MSI2: variants seen among roughly 807,000 people sequenced by gnomAD.
MSI2 encodes the protein RNA-binding protein Musashi homolog 2.
A neutral mutation model predicts 45.6 loss-of-function variants in MSI2; 17 were observed. The ratio of observed to expected loss-of-function variants is 0.37; its 90% confidence interval spans 0.26 to 0.56. MSI2 has a LOEUF of 0.56. Among genes scored for constraint, MSI2 ranks in the 20% least tolerant of loss-of-function variants. The pLI is 0.77. For synonymous variants in MSI2, 156 were observed against 158.2 expected (o/e 0.99, Z 0.11); for missense variants, 293 against 444.2 (o/e 0.66, Z 3.06).
intron 6 of MSI2, among the ~76,000 whole-genome samples, chr17:57,451,327 C>A (rs1477533073): frequency 2.0e-5 from 3 of 152,126 alleles, no homozygotes; most frequent in Non-Finnish European, 4.4e-5. Context: ...CTCGGAGAAG[C>A]CACCCCCTCC....
intron 6 of MSI2, among the ~76,000 whole-genome samples, chr17:57,437,728 C>T (rs2084715898): frequency 6.6e-6 from 1 of 152,182 alleles, no homozygotes; most frequent in Non-Finnish European, 1.5e-5. Context: ...GTATTCTATG[C>T]CCTGCATTCT....
chr17:57,261,968 C>G, intron 4 of MSI2, 183 bp from the exon 5 acceptor site: 1 of 603,684 alleles, frequency 1.7e-6, no homozygotes, highest in East Asian at 2.8e-5. Context: ...TGTTAGTTAC[C>G]TGATCTGTTG....
rs142528721 is a variant in MSI2, at chr17:57,424,839, G to C, written c.405+23368G>C. On this transcript the variant is annotated intron_variant, in intron 6 of 13. Transcript: ENST00000284073. ...AGCCAGTGTCATCCCTTTGCTTGCA[G>C]ATGAGGTGGCTTAGAACCAAGAGGG... Among the ~76,000 whole-genome samples the C allele has an allele frequency of 5.8e-3, 876 of 152,292 alleles. 4 individuals carry two copies. The highest frequency in any genetic ancestry group is 8.3e-3 in the South Asian group (40 of 4,812).
At chr17:57,560,350 C>A (rs117611360) in intron 7 of MSI2, among the ~76,000 whole-genome samples, 2,360 of 152,240 alleles carry the variant, frequency 0.016, 25 homozygotes, top group Admixed American at 0.026. Flanking sequence ...GGGGGACTTG[C>A]AGTAACCCGT....
At chr17:57,425,896 C>T (rs1002275379) in intron 6 of MSI2, among the ~76,000 whole-genome samples, 2 of 152,188 alleles carry the variant, frequency 1.3e-5, no homozygotes, top group Admixed American at 1.3e-4. Flanking sequence ...TGAGCTTGAG[C>T]TTTTGGTCTT....
At chr17:57,689,822 GC>G in the MSI2 span, among the ~76,000 whole-genome samples, 1 of 152,144 alleles carries the variant, frequency 6.6e-6, no homozygotes, top group Non-Finnish European at 1.5e-5. Flanking sequence ...TGCTCAGCAT[GC>G]GTTTTCAGAT....
At chr17:57,563,752 A>G (rs867201507) in intron 7 of MSI2, among the ~76,000 whole-genome samples, 5,626 of 140,306 alleles carry the variant, frequency 0.04, 173 homozygotes, top group African/African-American at 0.085. Flanking sequence ...GCGCGCACAC[A>G]CACACACACA....
chr17:57,545,106 G>A (rs1306270449), intron 7 of MSI2, among the ~76,000 whole-genome samples: 2 of 152,152 alleles, frequency 1.3e-5, no homozygotes, highest in Non-Finnish European at 2.9e-5. Context: ...TGAGTTTAGA[G>A]AAAGGAAAGA....
intron 8 of MSI2, 69 bp from the exon 9 acceptor site, chr17:57,615,901 A>C: frequency 1.6e-6 from 2 of 1,227,320 alleles, no homozygotes; most frequent in Admixed American, 1.7e-5. Context: ...TCATAACCAG[A>C]CAGGTTCTGC....
intron 5 of MSI2, among the ~76,000 whole-genome samples, chr17:57,381,969 A>T (rs777588697): frequency 6.6e-6 from 1 of 152,254 alleles, no homozygotes; most frequent in African/African-American, 2.4e-5. Context: ...ATGAAAAGAC[A>T]TGGTCTCTGC....
At chr17:57,691,243 A>ATCTATC in the MSI2 span, among the ~76,000 whole-genome samples, 25 of 136,914 alleles carry the variant, frequency 1.8e-4, no homozygotes, top group African/African-American at 6.1e-4. Flanking sequence ...ATCTATCTAT[A>ATCTATC]TTGCCATACC....
intron 6 of MSI2, among the ~76,000 whole-genome samples, chr17:57,477,111 C>A (rs1426808764): frequency 1.3e-5 from 2 of 148,552 alleles, no homozygotes; most frequent in Non-Finnish European, 3.0e-5. Flanking sequence ...AAGATGAATT[C>A]TAGACCATTC....
intron 7 of MSI2, among the ~76,000 whole-genome samples, chr17:57,573,673 T>C (rs887845715): frequency 1.3e-5 from 2 of 152,210 alleles, no homozygotes; most frequent in Non-Finnish European, 2.9e-5. Flanking sequence ...TGGCAGCTTA[T>C]CCAGGGCTGT....
intron 7 of MSI2, among the ~76,000 whole-genome samples, chr17:57,590,360 C>A (rs748565453): frequency 1.3e-5 from 2 of 152,162 alleles, no homozygotes; most frequent in African/African-American, 4.8e-5. Context: ...TCAGTGACTG[C>A]GTTTGGAGCA....
At chr17:57,436,403 G>A (rs2084691191) in intron 6 of MSI2, among the ~76,000 whole-genome samples, 1 of 152,204 alleles carries the variant, frequency 6.6e-6, no homozygotes, top group African/African-American at 2.4e-5. Flanking sequence ...ATGGAAGGAG[G>A]AATGTGTGTT....
rs543114377 is a variant in MSI2, at chr17:57,257,224, C to T, written c.103+86C>T. ...GTTATCCCGGTGTAGGAGCCCCCCC[C>T]CCCCCGCCATTGGCTCCCCACTTCT... On this transcript the variant is annotated intron_variant, in intron 2 of 13. Transcript: ENST00000284073. 3.4e-5 allele frequency: 18 copies of T among 533,360 alleles called. 1 individual carries two copies. The highest frequency in any genetic ancestry group is 1.6e-4 in the South Asian group (7 of 44,928). 33.0% of individuals were successfully genotyped at this position (533,360 alleles called of 1,614,324 possible). A position where few individuals can be genotyped will look rare whatever the true frequency, so the allele number is the denominator to read the frequency against.
rs190754250 is a variant in MSI2 at position 57,600,628 on chromosome 17, G to A, written c.537+3678G>A. Among the ~76,000 whole-genome samples the A allele has an allele frequency of 3.3e-5, 5 of 152,264 alleles. No homozygotes were observed. The East Asian group carries it at 9.7e-4, about 29-fold the overall frequency. ...GCAGAAGGGCCAGGAGAAGGCGTGA[G>A]TCATTCTACTCACAGGGGACCAGGA... On this transcript the variant is annotated intron_variant, in intron 8 of 13. Transcript: ENST00000284073.
chr17:57,355,827 G>T (rs954572482), intron 5 of MSI2, among the ~76,000 whole-genome samples: 1 of 152,200 alleles, frequency 6.6e-6, no homozygotes, highest in Non-Finnish European at 1.5e-5. Flanking sequence ...CATCAACTAA[G>T]ATATCCATCA....
intron 6 of MSI2, among the ~76,000 whole-genome samples, chr17:57,408,532 G>C (rs567955937): frequency 1.3e-5 from 2 of 152,216 alleles, no homozygotes; most frequent in South Asian, 4.1e-4. Flanking sequence ...GCGGCAAGGA[G>C]AGGAGAGCCA....
Sources: allele counts gnomAD v4.1 joint callset (sites outside exome capture counted in the v4.1 genomes callset), GRCh38; gene constraint gnomAD v4.1.1; transcripts MANE v1.5; gene names NCBI Gene and HGNC (gene_info 2026-07-23, HGNC 2026-07-21).